The following TRIM24 variants were observed in gnomAD, a reference collection of about 807,000 sequenced individuals.
The protein encoded by TRIM24 is transcription intermediary factor 1-alpha.
TRIM24 carries 29 observed loss-of-function variants against 123.9 expected under a neutral mutation model. That is an observed-to-expected ratio of 0.23 (90% CI 0.17 to 0.32). The LOEUF (loss-of-function observed/expected upper bound fraction) is 0.32. Among genes scored for constraint, TRIM24 ranks in the 10% least tolerant of loss-of-function variants. The pLI, the probability that TRIM24 is intolerant of heterozygous loss-of-function variation, is 1.00. For synonymous variants in TRIM24, 456 were observed against 461.1 expected (o/e 0.99, Z 0.14); for missense variants, 932 against 1,295.3 (o/e 0.72, Z 4.31).
rs1387342537 is a variant in TRIM24, at chr7:138,580,662, G to A, written c.2686G>A (p.Gly896Ser). 1.2e-6 allele frequency: 2 copies of A among 1,613,570 alleles called. No individual in the cohort carries two copies. Among genetic ancestry groups the A allele is most frequent in the Non-Finnish European group, 1.7e-6 (2 of 1,179,846 alleles). Residue 896 changes from glycine (G) to serine (S), a missense_variant, in exon 16 of 19, where the codon GGC (glycine) becomes AGC (serine). Gly to Ser is a moderately conservative substitution (Grantham distance 56). Coordinates refer to ENST00000343526, the MANE Select transcript of TRIM24 (RefSeq NM_015905.3). ...CAACTCAGAAAAAAAGAAAACTGAAGGCCTTGTTAAGTTAACACCTATAGA... is the reference window on the plus strand; with the variant it reads ...CAACTCAGAAAAAAAGAAAACTGAAAGCCTTGTTAAGTTAACACCTATAGA... Reference protein sequence around the residue: ...SHNSEKKKTEGLVKLTPIDKR... With the variant: ...SHNSEKKKTESLVKLTPIDKR...
chr7:138,537,073 A>G (rs186255665), intron 6 of TRIM24, among the ~76,000 whole-genome samples: 1 of 152,206 alleles, frequency 6.6e-6, no homozygotes, highest in East Asian at 1.9e-4. Flanking sequence ...AAAGCTCAGT[A>G]TTAGGGTGGG....
At chr7:138,520,718 T>C (rs1230862280) in intron 4 of TRIM24, among the ~76,000 whole-genome samples, 1 of 152,078 alleles carries the variant, frequency 6.6e-6, no homozygotes, top group Admixed American at 6.5e-5. Context: ...AAAATTACAG[T>C]AACTGAAATT....
chr7:138,501,340 C>T (rs867177775), intron 1 of TRIM24, among the ~76,000 whole-genome samples: 61 of 152,162 alleles, frequency 4.0e-4, no homozygotes, highest in Middle Eastern at 3.4e-3. Flanking sequence ...AAGCAGTTCT[C>T]CTGCCTCAGC....
chr7:138,533,202 T>C (rs1796785725), intron 6 of TRIM24, among the ~76,000 whole-genome samples: 1 of 152,244 alleles, frequency 6.6e-6, no homozygotes, highest in Non-Finnish European at 1.5e-5. Context: ...GAATACACTT[T>C]ATTTCTTTCT....
At position 138,586,785 on chromosome 7, in the gene TRIM24, C is replaced by T. The variant is rs1798027813; in HGVS notation, c.*1834C>T. 6.6e-6 allele frequency: 1 copy of T among 152,104 alleles called. No homozygotes were observed. Among genetic ancestry groups the T allele is most frequent in the Non-Finnish European group, 1.5e-5 (1 of 68,016 alleles). 9.4% of individuals were successfully genotyped at this position (152,104 alleles called of 1,614,324 possible). On this transcript the variant is annotated 3_prime_UTR_variant, in exon 19 of 19. Transcript: ENST00000343526. ...ATTGTTGGTATCTTAGAATACTGTTCGTCTGACAGTTTATTCTTCCATACT... is the reference window on the plus strand; with the variant it reads ...ATTGTTGGTATCTTAGAATACTGTTTGTCTGACAGTTTATTCTTCCATACT...
At chr7:138,502,342 T>A (rs1008130885) in intron 1 of TRIM24, among the ~76,000 whole-genome samples, 7 of 152,216 alleles carry the variant, frequency 4.6e-5, no homozygotes, top group African/African-American at 1.7e-4. Flanking sequence ...GGAAGTGGAA[T>A]ATTGAGCACA....
At chr7:138,473,141 G>A (rs575964126) in intron 1 of TRIM24, among the ~76,000 whole-genome samples, 410 of 152,222 alleles carry the variant, frequency 2.7e-3, no homozygotes, top group African/African-American at 8.5e-3. Flanking sequence ...TTAACCAGGC[G>A]TGGTGGCATG....
At chr7:138,530,608 A>G (rs369584936) in intron 6 of TRIM24, among the ~76,000 whole-genome samples, 45 of 151,672 alleles carry the variant, frequency 3.0e-4, no homozygotes, top group African/African-American at 1.1e-3. Context: ...TTAGGACTAC[A>G]AGTGTATGCC....
At chr7:138,534,591 A>G (rs544111910) in intron 6 of TRIM24, among the ~76,000 whole-genome samples, 4 of 152,226 alleles carry the variant, frequency 2.6e-5, no homozygotes, top group South Asian at 4.1e-4. Flanking sequence ...GTTTGTTATA[A>G]TTTCTGTTCT....
chr7:138,577,588 T>G lies in TRIM24; in HGVS notation c.2256T>G (p.Asn752Lys). 2 of 1,599,560 alleles carry G rather than the reference T, an allele frequency of 1.3e-6. No homozygotes were observed. The highest frequency in any genetic ancestry group is 1.7e-6 in the Non-Finnish European group (2 of 1,173,738). Residue 752 changes from asparagine (N) to lysine (K), a missense_variant and splice_region_variant, in exon 14 of 19, where the codon AAT (asparagine) becomes AAG (lysine). By Grantham distance (94) the Asn-to-Lys change is moderately conservative. This residue lies in a region of TRIM24 where 527 missense variants were observed against 691.3 expected (regional missense o/e 0.76). Transcript: ENST00000343526. ...CAGATGAAGAATCTAGGCCTCAAAATGTAATTATGAATGCTTGCAATGCTA... is the reference window on the plus strand; with the variant it reads ...CAGATGAAGAATCTAGGCCTCAAAAGGTAATTATGAATGCTTGCAATGCTA... ...QESDEESRPQNANYPRSILTS... is the reference protein window; with the variant it reads ...QESDEESRPQKANYPRSILTS...
intron 1 of TRIM24, among the ~76,000 whole-genome samples, chr7:138,467,867 C>A (rs1255292710): frequency 6.6e-6 from 1 of 151,584 alleles, no homozygotes; most frequent in Admixed American, 6.6e-5. Flanking sequence ...TGGTTTCATC[C>A]CATTATCTTG....
At position 138,508,692 on chromosome 7, in the gene TRIM24, T is replaced by TGTGTGTGCGCGCGCGC. The variant is rs1422176564; in HGVS notation, c.483+4285_483+4286insTGTGTGCGCGCGCGCG. Among the ~76,000 whole-genome samples, 1,202 of 137,246 alleles carry TGTGTGTGCGCGCGCGC rather than the reference T, an allele frequency of 8.8e-3. 10 individuals are homozygous for TGTGTGTGCGCGCGCGC. Among genetic ancestry groups the TGTGTGTGCGCGCGCGC allele is most frequent in the Middle Eastern group, 0.015 (4 of 266 alleles). The allele number at this position is 137,246 out of a possible 152,430, so 90.0% of individuals were successfully genotyped here. A position where few individuals can be genotyped will look rare whatever the true frequency, so the allele number is the denominator to read the frequency against. On this transcript the variant is annotated intron_variant, in intron 2 of 18. Transcript: ENST00000343526. ...GTGTGTGTGTGTGTGTGTGTGTGTGTGCGCGCGCGTGTGTGCGTGTGTGTG... is the reference window on the plus strand; with the variant it reads ...GTGTGTGTGTGTGTGTGTGTGTGTGTGTGTGTGCGCGCGCGCGCGCGCGCGTGTGTGCGTGTGTGTG...
chr7:138,487,355 G>T (rs1489101702), intron 1 of TRIM24, among the ~76,000 whole-genome samples: 1 of 152,102 alleles, frequency 6.6e-6, no homozygotes, highest in Non-Finnish European at 1.5e-5. Flanking sequence ...GATTGCCCTG[G>T]CCAGAACTTC....
chr7:138,521,700 C>CT (rs1166700229), intron 4 of TRIM24, among the ~76,000 whole-genome samples: 3 of 152,000 alleles, frequency 2.0e-5, no homozygotes, highest in African/African-American at 7.3e-5. Context: ...GTGCTATTTT[C>CT]TTTTTATGAG....
intron 2 of TRIM24, among the ~76,000 whole-genome samples, chr7:138,508,120 C>T (rs956220804): frequency 6.6e-6 from 1 of 152,102 alleles, no homozygotes; most frequent in African/African-American, 2.4e-5. Context: ...CAAGTTACCC[C>T]TTTGCTTCAC....
In TRIM24 at chr7:138,585,652, A is replaced by G. The variant is rs1016238746; in HGVS notation, c.*701A>G. The G allele has an allele frequency of 2.7e-6, 1 of 370,904 alleles. No homozygotes were observed. The allele number at this position is 370,904 out of a possible 1,614,324, so 23.0% of individuals were successfully genotyped here. On this transcript the variant is annotated 3_prime_UTR_variant, in exon 19 of 19. Coordinates refer to ENST00000343526, the MANE Select transcript of TRIM24 (RefSeq NM_015905.3). ...GGTATTTTGGTATAGCAGGTTTTCA[A>G]GGCCATTTTTTATACATTTCTAGAT...
chr7:138,515,090 C>A, intron 2 of TRIM24, 122 bp from the exon 3 acceptor site: 1 of 952,842 alleles, frequency 1.0e-6, no homozygotes, highest in Non-Finnish European at 1.5e-6. Context: ...TAAAATTTCC[C>A]AACACCATTA....
At chr7:138,470,874 G>A (rs1016079355) in intron 1 of TRIM24, among the ~76,000 whole-genome samples, 3 of 152,224 alleles carry the variant, frequency 2.0e-5, no homozygotes, top group Non-Finnish European at 2.9e-5. Flanking sequence ...TTATCAGTGT[G>A]TGGAGTTGAT....
intron 1 of TRIM24, among the ~76,000 whole-genome samples, chr7:138,483,742 G>C (rs1046783747): frequency 6.6e-6 from 1 of 152,186 alleles, no homozygotes; most frequent in Non-Finnish European, 1.5e-5. Context: ...AAACAAACAG[G>C]GACTGTGGGA....
Sources: gnomAD v4.1 joint callset for allele counts (sites outside exome capture counted in the v4.1 genomes callset) on GRCh38, gnomAD v4.1.1 for gene constraint, gnomAD v4.1.1 regional missense constraint, MANE v1.5 for transcripts, NCBI Gene and HGNC (gene_info 2026-07-23, HGNC 2026-07-21) for gene names.